Variants in ANK2 observed in about 807,000 individuals in gnomAD.
The protein encoded by ANK2 is ankyrin 2, also known as ankyrin-2.
In ANK2, 83 loss-of-function variants were observed where a neutral mutation model predicts 360.5. The ratio of observed to expected loss-of-function variants is 0.23; its 90% confidence interval spans 0.19 to 0.28. The LOEUF (loss-of-function observed/expected upper bound fraction) is 0.28. Among genes scored for constraint, ANK2 ranks in the 10% least tolerant of loss-of-function variants. The probability of loss-of-function intolerance (pLI) is 1.00; values close to 1 mark genes in which losing one functional copy is unlikely to be tolerated. For synonymous variants in ANK2, 1,740 were observed against 1,759.5 expected, an observed-to-expected ratio of 0.99 and a Z score of 0.28; for missense variants, 4,201 against 4,795.7, an observed-to-expected ratio of 0.88 and a Z score of 3.66.
intron 45 of ANK2, among the ~76,000 whole-genome samples, chr4:113,375,410 T>G (rs2096888873): frequency 1.3e-5 from 2 of 152,210 alleles, no homozygotes; most frequent in South Asian, 4.1e-4. Context: ...ACTTAAGTTC[T>G]GGTTTCCAAC....
chr4:112,749,145 C>T, the ANK2 span, among the ~76,000 whole-genome samples: 5 of 152,024 alleles, frequency 3.3e-5, no homozygotes, highest in Admixed American at 3.3e-4. Context: ...GGTGATCCAC[C>T]CGCCTCGGCC....
chr4:113,012,987 C>A (rs956256310), intron 2 of ANK2, among the ~76,000 whole-genome samples: 1 of 152,108 alleles, frequency 6.6e-6, no homozygotes, highest in African/African-American at 2.4e-5. Flanking sequence ...TGAGTTGTGA[C>A]TGGTTGCTAA....
chr4:113,376,339 T>A (rs1414803786), intron 45 of ANK2, among the ~76,000 whole-genome samples: 4 of 152,180 alleles, frequency 2.6e-5, no homozygotes, highest in Admixed American at 1.3e-4. Context: ...GGTAAGTATT[T>A]CCCTATCTAA....
intron 4 of ANK2, among the ~76,000 whole-genome samples, chr4:113,212,733 G>A (rs1320249571): frequency 6.6e-6 from 1 of 152,208 alleles, no homozygotes; most frequent in Admixed American, 6.5e-5. Context: ...CAGTTGTTGT[G>A]AGATTAATCC....
intron 2 of ANK2, among the ~76,000 whole-genome samples, chr4:112,962,668 A>AT (rs1561307027): frequency 6.6e-6 from 1 of 152,182 alleles, no homozygotes; most frequent in Non-Finnish European, 1.5e-5. Flanking sequence ...CTAACAGCGC[A>AT]TAAGTGTTCA....
chr4:113,240,691 C>T, intron 8 of ANK2, 108 bp downstream of exon 8: 2 of 976,016 alleles, frequency 2.0e-6, no homozygotes, highest in Non-Finnish European at 3.2e-6. Flanking sequence ...TTTTTCCTTA[C>T]CTGGGTCTGT....
chr4:113,270,206 A>G (rs2057971325), intron 14 of ANK2, among the ~76,000 whole-genome samples: 1 of 152,202 alleles, frequency 6.6e-6, no homozygotes, highest in Non-Finnish European at 1.5e-5. Flanking sequence ...ATAATGAAAG[A>G]GTTTCCCATT....
At chr4:112,997,810 A>G (rs999442518) in intron 2 of ANK2, among the ~76,000 whole-genome samples, 6 of 152,062 alleles carry the variant, frequency 3.9e-5, no homozygotes, top group Admixed American at 1.3e-4. Context: ...ATACACACAC[A>G]CACATATATG....
chr4:113,373,147 G>A lies in ANK2; in HGVS notation c.11668G>A (p.Glu3890Lys). Residue 3890 changes from glutamate to lysine, a missense_variant, in exon 44 of 46, where the codon GAG becomes AAG. Glu to Lys is a moderately conservative substitution (Grantham distance 56). Coordinates refer to ENST00000357077, the MANE Select transcript of ANK2 (RefSeq NM_001148.6). ...ETVTEEEYID[E>K]HGHTVVKKVT... ...AGTCACAGAAGAAGAATACATTGAT[G>A]AGCATGGACACACCGTGGTAAAGAA... The A allele has an allele frequency of 1.2e-6, 2 of 1,614,066 alleles. No homozygotes were observed. Among genetic ancestry groups the A allele is most frequent in the Non-Finnish European group, 1.7e-6 (2 of 1,179,946 alleles).
intron 1 of ANK2, among the ~76,000 whole-genome samples, chr4:112,825,959 A>T (rs2058328952): frequency 6.6e-6 from 1 of 152,154 alleles, no homozygotes; most frequent in African/African-American, 2.4e-5. Context: ...TTAATTACTT[A>T]TTTCACAGGA....
chr4:113,328,270 A>C (rs375829852), intron 26 of ANK2, among the ~76,000 whole-genome samples: 41 of 152,268 alleles, frequency 2.7e-4, no homozygotes, highest in African/African-American at 9.9e-4. Context: ...GAAAAAAAAA[A>C]CAAAGGAAAT....
intron 40 of ANK2, among the ~76,000 whole-genome samples, 157 bp from the exon 41 acceptor site, chr4:113,364,882 C>G (rs906689747): frequency 2.6e-5 from 4 of 152,098 alleles, no homozygotes; most frequent in Admixed American, 6.6e-5. Flanking sequence ...TTATGCATAT[C>G]TCTTTTGTCT....
chr4:112,996,925 A>G (rs1452468655), intron 2 of ANK2, among the ~76,000 whole-genome samples: 1 of 152,056 alleles, frequency 6.6e-6, no homozygotes, highest in East Asian at 1.9e-4. Context: ...AGCCTCTGGT[A>G]ACCATCCTTC....
chr4:113,048,917 GAC>G (rs55814667), upstream of ANK2, among the ~76,000 whole-genome samples: 16,762 of 139,000 alleles, frequency 0.12, 983 homozygotes, highest in African/African-American at 0.14. Flanking sequence ...CCCCTACCCA[GAC>G]ACACACACAC....
intron 2 of ANK2, among the ~76,000 whole-genome samples, chr4:113,185,700 G>A (rs2098508020): frequency 6.6e-6 from 1 of 152,166 alleles, no homozygotes; most frequent in South Asian, 2.1e-4. Context: ...CTGTGCAGAA[G>A]CTCTTTAGTT....
chr4:112,741,091 A>G, the ANK2 span, among the ~76,000 whole-genome samples: 1 of 152,056 alleles, frequency 6.6e-6, no homozygotes, highest in Non-Finnish European at 1.5e-5. Context: ...TAGCCTCCCA[A>G]AGTGCTGGGA....
chr4:113,153,611 C>T (rs111819583), intron 1 of ANK2, among the ~76,000 whole-genome samples: 1,958 of 152,200 alleles, frequency 0.013, 42 homozygotes, highest in African/African-American at 0.045. Context: ...TTTATGCATT[C>T]TTACAGCATA....
intron 12 of ANK2, 35 bp downstream of exon 12, chr4:113,258,183 C>T (rs1049006883): frequency 3.2e-6 from 5 of 1,581,304 alleles, no homozygotes; most frequent in Non-Finnish European, 3.5e-6. Context: ...CAAAGCATTC[C>T]TTCTCTTACT....
chr4:113,086,152 C>T (rs972511532), intron 1 of ANK2, among the ~76,000 whole-genome samples: 1 of 152,010 alleles, frequency 6.6e-6, no homozygotes, highest in Non-Finnish European at 1.5e-5. Context: ...TTAAAATTGC[C>T]TCAGAACACA....
Sources: allele counts gnomAD v4.1 joint callset (sites outside exome capture counted in the v4.1 genomes callset), GRCh38; gene constraint gnomAD v4.1.1; transcripts MANE v1.5; gene names NCBI Gene and HGNC (gene_info 2026-07-23, HGNC 2026-07-21).